Variants in CNTNAP2 observed in about 807,000 individuals in gnomAD.
CNTNAP2 encodes contactin associated protein 2.
CNTNAP2 carries 98 observed loss-of-function variants against 155.2 expected under a neutral mutation model. That is an observed-to-expected ratio of 0.63 (90% CI 0.54 to 0.75). The LOEUF (loss-of-function observed/expected upper bound fraction) is 0.75. Among genes scored for constraint, CNTNAP2 ranks in the 30% least tolerant of loss-of-function variants. The pLI is 0.00. For missense variants in CNTNAP2, 1,727 were observed against 1,688.1 expected (o/e 1.02, Z -0.40); for synonymous variants, 651 against 631.2 (o/e 1.03, Z -0.47).
At chr7:147,881,448 T>C (rs911102584) in intron 13 of CNTNAP2, among the ~76,000 whole-genome samples, 1 of 152,176 alleles carries the variant, frequency 6.6e-6, no homozygotes, top group African/African-American at 2.4e-5. Context: ...GAATATATAC[T>C]GAGTTATTGT....
At chr7:147,728,075 A>G (rs547192385) in intron 13 of CNTNAP2, among the ~76,000 whole-genome samples, 1 of 152,142 alleles carries the variant, frequency 6.6e-6, no homozygotes, top group African/African-American at 2.4e-5. Context: ...CTTTTGCCTC[A>G]TTAGAGCCAT....
intron 13 of CNTNAP2, among the ~76,000 whole-genome samples, chr7:147,734,089 G>A (rs1227043992): frequency 6.6e-6 from 1 of 152,146 alleles, no homozygotes; most frequent in East Asian, 1.9e-4. Context: ...TCCTGGTCTT[G>A]TGCCTGTTTT....
At chr7:146,781,951 G>A (rs1802498941) in intron 2 of CNTNAP2, among the ~76,000 whole-genome samples, 2 of 152,094 alleles carry the variant, frequency 1.3e-5, no homozygotes, top group East Asian at 1.9e-4. Context: ...TCTCTAGTCC[G>A]TGATGTACTC....
chr7:146,258,442 TG>T (rs1414424851), intron 1 of CNTNAP2, among the ~76,000 whole-genome samples: 1 of 152,230 alleles, frequency 6.6e-6, no homozygotes, highest in Non-Finnish European at 1.5e-5. Context: ...TTATATTTTA[TG>T]CTTTATTTAT....
chr7:147,886,475 C>CAAAAAAA lies in CNTNAP2; in HGVS notation c.2099-17068_2099-17062dup, dbSNP rs532837902. 3.0e-4 allele frequency among the ~76,000 whole-genome samples: 12 copies of CAAAAAAA among 39,740 alleles called. 1 individual carries two copies. Among genetic ancestry groups the CAAAAAAA allele is most frequent in the East Asian group, 2.8e-3 (2 of 714 alleles). 26.1% of individuals were successfully genotyped at this position (39,740 alleles called of 152,430 possible). Reference sequence around the variant, plus strand: ...GGGCAACAAGAGGGAAACTCCATCTCAAAAAAAAAAAAAAAAAAAAAAAAA... The same window carrying CAAAAAAA: ...GGGCAACAAGAGGGAAACTCCATCTCAAAAAAAAAAAAAAAAAAAAAAAAAAAAAAAA... On this transcript the variant is annotated intron_variant, in intron 13 of 23. Transcript: ENST00000361727.
chr7:146,600,672 TG>T (rs1798937668), intron 1 of CNTNAP2, among the ~76,000 whole-genome samples: 1 of 152,188 alleles, frequency 6.6e-6, no homozygotes. Context: ...GTACTTGTAT[TG>T]TTGCATCGCT....
intron 21 of CNTNAP2, among the ~76,000 whole-genome samples, chr7:148,313,437 C>G (rs953160647): frequency 9.9e-5 from 15 of 151,172 alleles, no homozygotes; most frequent in Non-Finnish European, 1.3e-4. Flanking sequence ...GGGTCCCGCA[C>G]AGATGGGACA....
chr7:147,477,864 A>G (rs1798349487), intron 10 of CNTNAP2, among the ~76,000 whole-genome samples: 1 of 152,216 alleles, frequency 6.6e-6, no homozygotes. Context: ...CTCAATAAAT[A>G]TAAGTCGAAT....
At chr7:147,130,907 C>T (rs1290912875) in intron 7 of CNTNAP2, among the ~76,000 whole-genome samples, 1 of 151,850 alleles carries the variant, frequency 6.6e-6, no homozygotes, top group Admixed American at 6.6e-5. Flanking sequence ...TAAAAGCGAG[C>T]ATTTAAAAAT....
At chr7:147,554,217 G>A (rs564972979) in intron 11 of CNTNAP2, among the ~76,000 whole-genome samples, 1 of 152,198 alleles carries the variant, frequency 6.6e-6, no homozygotes, top group South Asian at 2.1e-4. Context: ...AGTTGTTTAG[G>A]TTTAGTCATG....
intron 21 of CNTNAP2, among the ~76,000 whole-genome samples, chr7:148,301,304 A>T (rs13310301): frequency 0.011 from 346 of 30,310 alleles, 3 homozygotes; most frequent in African/African-American, 0.019. Flanking sequence ...AAAAAAAAAA[A>T]AAATATATAT....
At chr7:148,205,461 AC>A (rs1795435169) in intron 18 of CNTNAP2, among the ~76,000 whole-genome samples, 1 of 152,228 alleles carries the variant, frequency 6.6e-6, no homozygotes, top group South Asian at 2.1e-4. Context: ...TGAGTAATTG[AC>A]CAACCTCTGC....
chr7:148,329,432 G>A (rs147037328), intron 21 of CNTNAP2, among the ~76,000 whole-genome samples: 3 of 152,208 alleles, frequency 2.0e-5, no homozygotes, highest in Admixed American at 6.5e-5. Flanking sequence ...GCATGGTGGC[G>A]GGCTGGGGAC....
In CNTNAP2 at chr7:146,623,147, C is replaced by T. The variant is rs80004400; in HGVS notation, c.98-151124C>T. Reference sequence around the variant, plus strand: ...TGCAATGACTCTAGTCTTGCAAACTCTATTTCCAAAGTTGCCTAGGTTAGC... The same window carrying T: ...TGCAATGACTCTAGTCTTGCAAACTTTATTTCCAAAGTTGCCTAGGTTAGC... On this transcript the variant is annotated intron_variant, in intron 1 of 23. Coordinates refer to ENST00000361727, the MANE Select transcript of CNTNAP2 (RefSeq NM_014141.6). 1.4e-3 allele frequency among the ~76,000 whole-genome samples: 210 copies of T among 152,128 alleles called. 2 individuals carry two copies. The East Asian group carries it at 0.034, about 25-fold the overall frequency.
At chr7:147,852,795 T>C (rs889996468) in intron 13 of CNTNAP2, among the ~76,000 whole-genome samples, 1 of 152,176 alleles carries the variant, frequency 6.6e-6, no homozygotes, top group Non-Finnish European at 1.5e-5. Context: ...CTAGACATTT[T>C]AGATATTATT....
chr7:146,297,593 A>G (rs1800534377), intron 1 of CNTNAP2, among the ~76,000 whole-genome samples: 1 of 152,188 alleles, frequency 6.6e-6, no homozygotes, highest in Non-Finnish European at 1.5e-5. Context: ...GGTAGATAAT[A>G]TAGAAAAAGT....
chr7:146,415,989 A>T, intron 1 of CNTNAP2, among the ~76,000 whole-genome samples: 1 of 152,040 alleles, frequency 6.6e-6, no homozygotes, highest in East Asian at 1.9e-4. Context: ...GTGATAGTTT[A>T]TAAATTAAAG....
At chr7:147,788,696 G>C (rs1417517357) in intron 13 of CNTNAP2, among the ~76,000 whole-genome samples, 1 of 151,740 alleles carries the variant, frequency 6.6e-6, no homozygotes, top group African/African-American at 2.4e-5. Flanking sequence ...GCTCCCTTCA[G>C]AAACCTCATC....
intron 1 of CNTNAP2, among the ~76,000 whole-genome samples, chr7:146,748,333 GACGGGGTTTC>G (rs1251789984): frequency 6.6e-6 from 1 of 151,796 alleles, no homozygotes; most frequent in Non-Finnish European, 1.5e-5. Context: ...TTTTGTTAGA[GACGGGGTTTC>G]ACCGTGTTAG....
Sources: allele counts gnomAD v4.1 joint callset (sites outside exome capture counted in the v4.1 genomes callset), GRCh38; gene constraint gnomAD v4.1.1; transcripts MANE v1.5; gene names NCBI Gene and HGNC (gene_info 2026-07-23, HGNC 2026-07-21).